TMEM67: variants seen among roughly 807,000 people sequenced by gnomAD.
The protein encoded by TMEM67 is transmembrane protein 67.
Under a neutral mutation model 136.6 loss-of-function variants are expected in TMEM67, and 124 were observed. That is an observed-to-expected ratio of 0.91 (90% CI 0.78 to 1.05). The LOEUF (loss-of-function observed/expected upper bound fraction) is 1.05. TMEM67 is among the 50% of genes least tolerant of loss of function. The probability of loss-of-function intolerance (pLI) is 0.00; values close to 1 mark genes in which losing one functional copy is unlikely to be tolerated. For synonymous variants in TMEM67, 364 were observed against 390.5 expected, an observed-to-expected ratio of 0.93 and a Z score of 0.80; for missense variants, 1,107 against 1,178.4, an observed-to-expected ratio of 0.94 and a Z score of 0.89.
At chr8:93,764,145 G>T (rs1239925411) in intron 4 of TMEM67, among the ~76,000 whole-genome samples, 2 of 152,146 alleles carry the variant, frequency 1.3e-5, no homozygotes, top group East Asian at 1.9e-4. Context: ...TCTGTTAGTT[G>T]TCTGACCTTG....
intron 14 of TMEM67, among the ~76,000 whole-genome samples, chr8:93,788,627 G>T (rs1814231810): frequency 1.3e-5 from 2 of 152,162 alleles, no homozygotes; most frequent in South Asian, 2.1e-4. Context: ...AGACTTTACA[G>T]TGGGCATATG....
At chr8:93,820,829 A>G (rs1809031168), downstream of TMEM67, among the ~76,000 whole-genome samples, 1 of 152,196 alleles carries the variant, frequency 6.6e-6, no homozygotes, top group Non-Finnish European at 1.5e-5. Flanking sequence ...CTACATTAAG[A>G]CACTGTCTCA....
intron 13 of TMEM67, among the ~76,000 whole-genome samples, chr8:93,786,981 A>C (rs1211019995): frequency 6.6e-6 from 1 of 152,186 alleles, no homozygotes; most frequent in Admixed American, 6.5e-5. Context: ...TTTGATTCTC[A>C]TAATCTTATA....
At chr8:93,772,833 C>T (rs991571056) in intron 7 of TMEM67, among the ~76,000 whole-genome samples, 182 bp downstream of exon 7, 7 of 152,100 alleles carry the variant, frequency 4.6e-5, no homozygotes, top group Admixed American at 3.9e-4. Context: ...ATTTAGTATA[C>T]ACAAATTGAA....
Position 93,809,121 on chromosome 8 carries a change from A to G in TMEM67, c.2621A>G (p.Tyr874Cys), listed in dbSNP as rs2130781526. ...ASTFEQSIKA[Y>C]HMMNKFLGSF... ...ACTTTTGAGCAGAGTATAAAAGCAT[A>G]TCATATGATGAATAAATTTCTTGGC... Residue 874 changes from tyrosine to cysteine, a missense_variant, in exon 25 of 28, where the codon TAT becomes TGT. Transcript: ENST00000453321. 1 of 1,609,242 alleles carries G rather than the reference A, an allele frequency of 6.2e-7. No homozygotes were observed. Among genetic ancestry groups the G allele is most frequent in the Non-Finnish European group, 8.5e-7 (1 of 1,176,198 alleles).
chr8:93,827,471 T>A, the TMEM67 span, among the ~76,000 whole-genome samples: 1 of 152,076 alleles, frequency 6.6e-6, no homozygotes, highest in Non-Finnish European at 1.5e-5. Context: ...AGCTGCAGCC[T>A]ACCAGGCTCA....
chr8:93,773,744 T>G (rs73694945), intron 7 of TMEM67, among the ~76,000 whole-genome samples: 2,187 of 152,340 alleles, frequency 0.014, 61 homozygotes, highest in African/African-American at 0.048. Context: ...TAAAGCAGAT[T>G]ACTTAAACAA....
rs1327177322 is a variant in TMEM67, at chr8:93,765,614, C to T, written c.619C>T (p.Arg207Cys). ...CFSSTGNFPL[R>C]RISAARYGEV... ...CAGCAGCACAGGGAATTTTCCTCTA[C>T]GTAGAATTTCAGCTGCACGTTATGG... Residue 207 changes from arginine (R) to cysteine (C), a missense_variant, in exon 6 of 28, where the codon CGT becomes TGT. Transcript: ENST00000453321. 16 of 1,613,006 alleles carry T rather than the reference C, an allele frequency of 9.9e-6. No individual in the cohort carries two copies. The highest frequency in any genetic ancestry group is 1.6e-4 in the Middle Eastern group (1 of 6,080).
At chr8:93,763,769 A>T (rs1309396127) in intron 3 of TMEM67, 73 bp from the exon 4 acceptor site, 1 of 1,027,422 alleles carries the variant, frequency 9.7e-7, no homozygotes, top group East Asian at 2.5e-5. Context: ...GTTTTGTTAA[A>T]TATTTTCTGA....
At chr8:93,758,228 A>G (rs1311371243) in intron 2 of TMEM67, among the ~76,000 whole-genome samples, 2 of 152,244 alleles carry the variant, frequency 1.3e-5, no homozygotes, top group Non-Finnish European at 2.9e-5. Context: ...ATTTGAATTA[A>G]AGATCCTGAA....
intron 14 of TMEM67, among the ~76,000 whole-genome samples, chr8:93,790,058 T>C (rs1341473483): frequency 6.6e-6 from 1 of 151,544 alleles, no homozygotes; most frequent in African/African-American, 2.4e-5. Flanking sequence ...AGAGTGAGAC[T>C]CTGTCTCAAA....
At chr8:93,793,929 C>T (rs953533035) in intron 16 of TMEM67, among the ~76,000 whole-genome samples, 14 of 151,886 alleles carry the variant, frequency 9.2e-5, no homozygotes, top group African/African-American at 2.4e-4. Flanking sequence ...CTCACTCTGT[C>T]GCTGAGGCTG....
At chr8:93,832,491 C>A in the TMEM67 span, among the ~76,000 whole-genome samples, 4 of 152,010 alleles carry the variant, frequency 2.6e-5, no homozygotes, top group African/African-American at 9.7e-5. Context: ...TCAAAAGACC[C>A]CTCTAGGTAT....
intron 18 of TMEM67, 53 bp downstream of exon 18, chr8:93,796,040 C>A: frequency 8.7e-7 from 1 of 1,151,308 alleles, no homozygotes; most frequent in Non-Finnish European, 1.3e-6. Context: ...AATGAACTAA[C>A]AAGTCTTTAA....
chr8:93,793,066 C>T (rs994401336), intron 15 of TMEM67, 132 bp from the exon 16 acceptor site: 30 of 795,130 alleles, frequency 3.8e-5, no homozygotes, highest in African/African-American at 2.4e-4. Context: ...CCACTGTGCC[C>T]GGCTGACTCC....
intron 22 of TMEM67, among the ~76,000 whole-genome samples, chr8:93,804,108 T>C (rs1814993134): frequency 6.6e-6 from 1 of 151,956 alleles, no homozygotes; most frequent in South Asian, 2.1e-4. Context: ...CTTGAACTCC[T>C]GACCTCAGGT....
At chr8:93,807,681 C>A (rs1353601480) in intron 23 of TMEM67, among the ~76,000 whole-genome samples, 2 of 151,430 alleles carry the variant, frequency 1.3e-5, no homozygotes, top group Non-Finnish European at 3.0e-5. Flanking sequence ...TATTTTTAAT[C>A]AAGAAAAAAA....
intron 3 of TMEM67, chr8:93,758,803 T>G: frequency 2.0e-6 from 1 of 491,920 alleles, no homozygotes; most frequent in Non-Finnish European, 3.7e-6. Context: ...CTCGTTATGT[T>G]GCTCAGCCTG....
chr8:93,767,724 GAT>G (rs1491138779), intron 6 of TMEM67, among the ~76,000 whole-genome samples: 3 of 100,690 alleles, frequency 3.0e-5, no homozygotes, highest in Admixed American at 1.2e-4. Context: ...GCTTCTGCGT[GAT>G]TTTTTTTTTT....
Sources: allele counts gnomAD v4.1 joint callset (sites outside exome capture counted in the v4.1 genomes callset), GRCh38; gene constraint gnomAD v4.1.1; transcripts MANE v1.5; gene names NCBI Gene and HGNC (gene_info 2026-07-23, HGNC 2026-07-21).